The following LRRC8B variants were observed in gnomAD, a reference collection of about 807,000 sequenced individuals.
LRRC8B encodes leucine rich repeat containing 8 VRAC subunit B, also known as volume-regulated anion channel subunit LRRC8B.
LRRC8B carries 23 observed loss-of-function variants against 58.8 expected under a neutral mutation model. That is an observed-to-expected ratio of 0.39 (90% CI 0.28 to 0.55). The LOEUF (loss-of-function observed/expected upper bound fraction) is 0.55, where lower values mean the gene tolerates loss of function less well. LRRC8B is among the 20% of genes least tolerant of loss of function. The probability of loss-of-function intolerance (pLI) is 0.62; values close to 1 mark genes in which losing one functional copy is unlikely to be tolerated. For synonymous variants in LRRC8B, 359 were observed against 374.1 expected, an observed-to-expected ratio of 0.96 and a Z score of 0.47; for missense variants, 694 against 936.0, an observed-to-expected ratio of 0.74 and a Z score of 3.37.
intron 1 of LRRC8B, among the ~76,000 whole-genome samples, chr1:89,551,460 CCACT>C (rs1440610483): frequency 6.6e-6 from 1 of 152,100 alleles, no homozygotes; most frequent in Non-Finnish European, 1.5e-5. Context: ...TTGTTCCACT[CCACT>C]ATTTAATCCT....
intron 1 of LRRC8B, among the ~76,000 whole-genome samples, chr1:89,539,433 A>G (rs1197520095): frequency 6.6e-6 from 1 of 152,178 alleles, no homozygotes; most frequent in Non-Finnish European, 1.5e-5. Context: ...TTCTTCACTG[A>G]TGATAGAACT....
chr1:89,542,820 G>T (rs1651113088), intron 1 of LRRC8B, among the ~76,000 whole-genome samples: 1 of 152,152 alleles, frequency 6.6e-6, no homozygotes, highest in Admixed American at 6.5e-5. Flanking sequence ...TAATATACAA[G>T]CATATTCAAC....
intron 1 of LRRC8B, among the ~76,000 whole-genome samples, chr1:89,540,782 G>T (rs1323488476): frequency 2.0e-5 from 3 of 152,186 alleles, no homozygotes; most frequent in Non-Finnish European, 4.4e-5. Flanking sequence ...CATATTGCGA[G>T]ACCAAGTAGG....
At chr1:89,550,744 C>T (rs1302381147) in intron 1 of LRRC8B, among the ~76,000 whole-genome samples, 1 of 152,110 alleles carries the variant, frequency 6.6e-6, no homozygotes, top group Admixed American at 6.6e-5. Flanking sequence ...AGCCAGAACC[C>T]ACAGTTCTGC....
chr1:89,584,164 G>T lies in LRRC8B; in HGVS notation c.1514G>T (p.Trp505Leu). The T allele has an allele frequency of 6.2e-7, 1 of 1,611,936 alleles. No homozygotes were observed. ...KFTEMGKIPR[W>L]VFHLKNLKEL... ...ACTGAAATGGGAAAAATCCCACGCT[G>T]GGTATTTCACCTCAAGAATCTCAAG... The change falls in exon 5 of 6, where the codon TGG becomes TTG. Residue 505 changes from tryptophan to leucine, a missense_variant. Physicochemically the swap from Trp to Leu is moderately conservative, Grantham distance 61 (BLOSUM62 -2). Transcript: ENST00000330947.
At position 89,528,996 on chromosome 1, in the gene LRRC8B, G is replaced by T. The variant is rs565435201; in HGVS notation, c.-241+3974G>T. Among the ~76,000 whole-genome samples, 106 of 151,780 alleles carry T rather than the reference G, an allele frequency of 7.0e-4. 1 individual carries two copies. Among genetic ancestry groups the T allele is most frequent in the African/African-American group, 2.5e-3 (101 of 41,116 alleles). The stretch of plus-strand genomic sequence containing the variant: ...CTTATTCCAGACAGTCTTATTCCTA[G>T]CTAAATAAAAAAAAGTGGGAGACTC... On this transcript the variant is annotated intron_variant, in intron 1 of 5. Transcript: ENST00000330947.
chr1:89,562,189 C>T (rs1420030379), intron 1 of LRRC8B, among the ~76,000 whole-genome samples: 2 of 93,160 alleles, frequency 2.1e-5, no homozygotes, highest in African/African-American at 6.6e-5. Flanking sequence ...ACACCCTCTG[C>T]ATTACCACCA....
intron 3 of LRRC8B, among the ~76,000 whole-genome samples, chr1:89,579,337 A>G (rs1654064476): frequency 6.6e-6 from 1 of 152,210 alleles, no homozygotes; most frequent in Non-Finnish European, 1.5e-5. Context: ...GGGGCCCTGT[A>G]GATACACCTT....
At chr1:89,556,593 T>C (rs760580041) in intron 1 of LRRC8B, among the ~76,000 whole-genome samples, 3 of 151,964 alleles carry the variant, frequency 2.0e-5, no homozygotes, top group African/African-American at 4.8e-5. Flanking sequence ...CAGAATAGGA[T>C]TGAATTTTAG....
chr1:89,528,143 A>C (rs1235107696), intron 1 of LRRC8B, among the ~76,000 whole-genome samples: 1 of 151,910 alleles, frequency 6.6e-6, no homozygotes, highest in Non-Finnish European at 1.5e-5. Flanking sequence ...CTTTCTTCTC[A>C]TCTGTCATCC....
intron 1 of LRRC8B, among the ~76,000 whole-genome samples, chr1:89,534,575 A>G (rs1334376809): frequency 1.3e-5 from 2 of 152,148 alleles, no homozygotes; most frequent in Non-Finnish European, 2.9e-5. Flanking sequence ...TGCTTGTGAC[A>G]ATAAGGCTCT....
intron 5 of LRRC8B, among the ~76,000 whole-genome samples, chr1:89,589,163 C>A (rs2101094018): frequency 6.6e-6 from 1 of 152,246 alleles, no homozygotes; most frequent in East Asian, 1.9e-4. Context: ...TCTTCTGGTC[C>A]TTTGGAGAAA....
rs1655242879 is a variant in LRRC8B, at chr1:89,595,599, A to G, written c.*2556A>G. On this transcript the variant is annotated 3_prime_UTR_variant, in exon 6 of 6. Transcript: ENST00000330947. ...GAATATTATAAACTGCTTTCCACAC[A>G]CTAGGGTATAATTATTGGTGCAATC... 1 of 152,090 alleles carries G rather than the reference A, an allele frequency of 6.6e-6. No homozygotes were observed. The highest frequency in any genetic ancestry group is 1.5e-5 in the Non-Finnish European group (1 of 67,948). The allele number at this position is 152,090 out of a possible 1,614,324, so 9.4% of individuals were successfully genotyped here.
rs75195336 is a variant in LRRC8B at position 89,530,624 on chromosome 1, A to G, written c.-241+5602A>G. On this transcript the variant is annotated intron_variant, in intron 1 of 5. Coordinates refer to ENST00000330947, the MANE Select transcript of LRRC8B (RefSeq NM_001369817.2). ...GAATTTGAAACCATATGGCTGAATG[A>G]AGAAAGACTGTTGGCAAAAAATCAG... Among the ~76,000 whole-genome samples the G allele has an allele frequency of 4.1e-3, 629 of 152,306 alleles. 6 individuals carry two copies. The highest frequency in any genetic ancestry group is 0.02 in the Middle Eastern group (6 of 294).
chr1:89,585,213 A>G (rs192517691), intron 5 of LRRC8B, among the ~76,000 whole-genome samples: 7 of 152,316 alleles, frequency 4.6e-5, no homozygotes, highest in African/African-American at 9.6e-5. Flanking sequence ...TTGTTCTAAA[A>G]TGCTGGGATT....
intron 1 of LRRC8B, among the ~76,000 whole-genome samples, chr1:89,566,104 C>T (rs181874452): frequency 7.9e-5 from 12 of 152,202 alleles, no homozygotes; most frequent in African/African-American, 2.4e-4. Context: ...ATATATAGGA[C>T]CTTAAGCTAA....
intron 5 of LRRC8B, among the ~76,000 whole-genome samples, chr1:89,586,190 G>T (rs907853680): frequency 5.9e-5 from 9 of 152,190 alleles, no homozygotes; most frequent in African/African-American, 2.2e-4. Context: ...CGCTCCCAGG[G>T]TTTCCGATTC....
intron 3 of LRRC8B, among the ~76,000 whole-genome samples, chr1:89,569,183 G>T (rs28638020): frequency 0.18 from 27,809 of 151,860 alleles, 3,280 homozygotes; most frequent in South Asian, 0.33. Flanking sequence ...GAAGACAGGG[G>T]GTCTGTCACC....
chr1:89,562,150 A>AACACACACACACACACACACACACACAC (rs59568247), intron 1 of LRRC8B, among the ~76,000 whole-genome samples: 2 of 139,526 alleles, frequency 1.4e-5, no homozygotes, highest in African/African-American at 2.7e-5. Context: ...CACCTCCCAA[A>AACACACACACACACACACACACACACAC]ACACACACAC....
Sources: gnomAD v4.1 joint callset for allele counts (sites outside exome capture counted in the v4.1 genomes callset) on GRCh38, gnomAD v4.1.1 for gene constraint, MANE v1.5 for transcripts, NCBI Gene and HGNC (gene_info 2026-07-23, HGNC 2026-07-21) for gene names.